The following ZFR variants were observed in gnomAD, a reference collection of about 807,000 sequenced individuals.
ZFR encodes the protein zinc finger RNA-binding protein.
ZFR carries 19 observed loss-of-function variants against 130.7 expected under a neutral mutation model. That is an observed-to-expected ratio of 0.15 (90% CI 0.10 to 0.21). The LOEUF (loss-of-function observed/expected upper bound fraction) is 0.21, where lower values mean the gene tolerates loss of function less well. Among genes scored for constraint, ZFR ranks in the 10% least tolerant of loss-of-function variants. The probability of loss-of-function intolerance (pLI) is 1.00; values close to 1 mark genes in which losing one functional copy is unlikely to be tolerated. For synonymous variants in ZFR, 466 were observed against 456.9 expected, an observed-to-expected ratio of 1.02 and a Z score of -0.25; for missense variants, 872 against 1,321.5, an observed-to-expected ratio of 0.66 and a Z score of 5.27.
At chr5:32,379,680 A>AG (rs1460535144) in intron 16 of ZFR, 2 of 189,706 alleles carry the variant, frequency 1.1e-5, no homozygotes, top group Non-Finnish European at 2.2e-5. Flanking sequence ...TTAGAGAAAG[A>AG]GGGGGAAAAA....
chr5:32,403,474 GA>G (rs1753513539), intron 7 of ZFR, 77 bp from the exon 8 acceptor site: 2 of 1,500,602 alleles, frequency 1.3e-6, no homozygotes, highest in African/African-American at 2.8e-5. Context: ...ATTATAAAAT[GA>G]AAATCTAAAC....
chr5:32,358,673 C>T (rs922223015), intron 19 of ZFR, among the ~76,000 whole-genome samples: 2 of 151,794 alleles, frequency 1.3e-5, no homozygotes, highest in Non-Finnish European at 2.9e-5. Flanking sequence ...GTTCTATCCT[C>T]TTCTCCCTCT....
Position 32,385,624 on chromosome 5 carries a change from A to T in ZFR, c.2525T>A (p.Ile842Lys). Residue 842 changes from isoleucine (I) to lysine (K), a missense_variant, in exon 15 of 20, where the codon ATA becomes AAA. By Grantham distance (102) the Ile-to-Lys change is moderately radical (BLOSUM62 -3). This residue lies in a region of ZFR where 225 missense variants were observed against 282.4 expected (regional missense o/e 0.80). Coordinates refer to ENST00000265069, the MANE Select transcript of ZFR (RefSeq NM_016107.5). ...TGCCGCTTCAGATACAGCACATTTT[A>T]TGTCATACTTCTCAGGGCTTATAAC... ...LAVISPEKYD[I>K]KCAVSEAAII... 1 of 1,613,342 alleles carries T rather than the reference A, an allele frequency of 6.2e-7. No homozygotes were observed. The highest frequency in any genetic ancestry group is 8.5e-7 in the Non-Finnish European group (1 of 1,179,500).
At chr5:32,375,138 A>G (rs1752770312) in intron 17 of ZFR, among the ~76,000 whole-genome samples, 1 of 152,214 alleles carries the variant, frequency 6.6e-6, no homozygotes, top group African/African-American at 2.4e-5. Context: ...TCATTCCCAG[A>G]ATGCAAAGGT....
At chr5:32,425,422 TA>T (rs1754050257) in intron 2 of ZFR, among the ~76,000 whole-genome samples, 1 of 870 alleles carries the variant, frequency 1.1e-3, no homozygotes, top group Non-Finnish European at 2.2e-3. Context: ...AGAATATTCT[TA>T]ATTTAAGACA....
At chr5:32,402,759 C>G (rs184695653) in intron 8 of ZFR, among the ~76,000 whole-genome samples, 1 of 143,188 alleles carries the variant, frequency 7.0e-6, no homozygotes, top group East Asian at 2.0e-4. Flanking sequence ...GCCTCGGTGA[C>G]AGAGTGGGGC....
chr5:32,363,855 AT>A, intron 19 of ZFR, 92 bp downstream of exon 19: 6 of 1,051,864 alleles, frequency 5.7e-6, no homozygotes, highest in Non-Finnish European at 8.2e-6. Flanking sequence ...CGAATATTAT[AT>A]AGTGACTTAT....
In ZFR at chr5:32,388,678, C is replaced by A; in HGVS notation, c.2143-4G>T. On this transcript the variant is annotated splice_polypyrimidine_tract_variant and splice_region_variant and intron_variant, in intron 12 of 19. Coordinates refer to ENST00000265069, the MANE Select transcript of ZFR (RefSeq NM_016107.5). ...ATGAGTCAGGACGACGTAAGGGCTA[C>A]AGAGAAACAAAGTTGCTCAATTTAA... 1 of 1,593,492 alleles carries A rather than the reference C, an allele frequency of 6.3e-7. No homozygotes were observed. The highest frequency in any genetic ancestry group is 8.5e-7 in the Non-Finnish European group (1 of 1,171,298).
chr5:32,377,202 CTTTA>C (rs1287005798), intron 17 of ZFR, among the ~76,000 whole-genome samples: 7 of 140,694 alleles, frequency 5.0e-5, no homozygotes, highest in Non-Finnish European at 3.2e-5. Flanking sequence ...CCTTCTCTTT[CTTTA>C]TTTCTCTTTC....
Position 32,417,703 on chromosome 5 carries a change from A to T in ZFR, c.510T>A (p.Ala170=), listed in dbSNP as rs1309572021. 3.7e-6 allele frequency: 6 copies of T among 1,613,806 alleles called. No homozygotes were observed. Among genetic ancestry groups the T allele is most frequent in the African/African-American group, 1.3e-5 (1 of 74,938 alleles). The part of the protein sequence containing the change: ...YYQQPTATAA[A]VAAAAQPQPS... Reference sequence around the variant, plus strand: ...GCTGAGGTTGGGCAGCGGCAGCTACAGCAGCAGCAGTTGCTGTTGGTTGTT... The same window carrying T: ...GCTGAGGTTGGGCAGCGGCAGCTACTGCAGCAGCAGTTGCTGTTGGTTGTT... Residue 170 remains alanine, a synonymous_variant, in exon 4 of 20, where the codon GCT becomes GCA. Coordinates refer to ENST00000265069, the MANE Select transcript of ZFR (RefSeq NM_016107.5).
intron 4 of ZFR, among the ~76,000 whole-genome samples, chr5:32,416,162 T>C (rs1270692562): frequency 6.6e-6 from 1 of 152,170 alleles, no homozygotes; most frequent in African/African-American, 2.4e-5. Context: ...GAGATGAGAC[T>C]AATATCCAAG....
Position 32,355,571 on chromosome 5 carries a change from T to C in ZFR, c.*189A>G. The stretch of plus-strand genomic sequence containing the variant: ...TTCCCCCTAGTCGGAGCACATTTTT[T>C]TTTTTGGGTGTCTTTCCATTCAAAT... On this transcript the variant is annotated 3_prime_UTR_variant, in exon 20 of 20. Coordinates refer to ENST00000265069, the MANE Select transcript of ZFR (RefSeq NM_016107.5). 1 of 425,420 alleles carries C rather than the reference T, an allele frequency of 2.4e-6. No homozygotes were observed. Among genetic ancestry groups the C allele is most frequent in the Admixed American group, 4.5e-5 (1 of 22,402 alleles). 26.4% of individuals were successfully genotyped at this position (425,420 alleles called of 1,614,324 possible). A position where few individuals can be genotyped will look rare whatever the true frequency, so the allele number is the denominator to read the frequency against.
chr5:32,438,253 A>ATTTTTTTTTTTTTTTTTTTTTT lies in ZFR; in HGVS notation c.137+5954_137+5975dup, dbSNP rs869249272. On this transcript the variant is annotated intron_variant, in intron 2 of 19. Coordinates refer to ENST00000265069, the MANE Select transcript of ZFR (RefSeq NM_016107.5). ...AGAATGCTACTGATTTTATCTGAAA[A>ATTTTTTTTTTTTTTTTTTTTTT]TTTTTTTTTTTTTTTTTTTTTTTTT... 2.5e-4 allele frequency among the ~76,000 whole-genome samples: 15 copies of ATTTTTTTTTTTTTTTTTTTTTT among 61,076 alleles called. 4 individuals are homozygous for ATTTTTTTTTTTTTTTTTTTTTT. Among genetic ancestry groups the ATTTTTTTTTTTTTTTTTTTTTT allele is most frequent in the African/African-American group, 7.9e-4 (11 of 13,960 alleles). The allele number at this position is 61,076 out of a possible 152,430, so 40.1% of individuals were successfully genotyped here. A position where few individuals can be genotyped will look rare whatever the true frequency, so the allele number is the denominator to read the frequency against.
intron 4 of ZFR, among the ~76,000 whole-genome samples, chr5:32,415,523 C>CGCGCGTGCGCGCGCGCGT (rs1554073622): frequency 7.6e-6 from 1 of 132,036 alleles, no homozygotes; most frequent in Non-Finnish European, 1.6e-5. Context: ...TGTGCGCGCG[C>CGCGCGTGCGCGCGCGCGT]GCGCGCGCGC....
At chr5:32,385,895 C>A (rs4867436) in intron 14 of ZFR, among the ~76,000 whole-genome samples, 144,865 of 152,002 alleles carry the variant, frequency 0.95, 69,094 homozygotes, top group African/African-American at 0.98. Context: ...GTACATAGGT[C>A]TATCTCTCTT....
intron 6 of ZFR, among the ~76,000 whole-genome samples, chr5:32,405,961 G>A (rs886420074): frequency 6.6e-6 from 1 of 152,182 alleles, no homozygotes; most frequent in African/African-American, 2.4e-5. Context: ...CACAGGTAGG[G>A]CAAATGAGAG....
At chr5:32,392,443 G>A (rs1753203080) in intron 11 of ZFR, among the ~76,000 whole-genome samples, 1 of 152,050 alleles carries the variant, frequency 6.6e-6, no homozygotes, top group South Asian at 2.1e-4. Context: ...ACTATTTAAA[G>A]GTAACCCATA....
At position 32,388,501 on chromosome 5, in the gene ZFR, C is replaced by G; in HGVS notation, c.2316G>C (p.Glu772Asp). The G allele has an allele frequency of 6.2e-7, 1 of 1,613,998 alleles. No individual in the cohort carries two copies. The highest frequency in any genetic ancestry group is 1.1e-5 in the South Asian group (1 of 91,050). ...LSEHEKNKNK[E>D]GDDKKEGGKD... ...TACCTCCCTCTTTCTTATCATCTCC[C>G]TCTTTGTTCTTGTTCTTCTCATGTT... is the stretch of plus-strand genomic sequence containing the variant. The change falls in exon 13 of 20, where the codon GAG (glutamate) becomes GAC (aspartate). Residue 772 changes from glutamate (E) to aspartate (D), a missense_variant. Glu to Asp is a conservative substitution (Grantham distance 45, BLOSUM62 2). Coordinates refer to ENST00000265069, the MANE Select transcript of ZFR (RefSeq NM_016107.5).
At chr5:32,380,920 G>A (rs934449914) in intron 15 of ZFR, among the ~76,000 whole-genome samples, 1 of 151,874 alleles carries the variant, frequency 6.6e-6, no homozygotes, top group African/African-American at 2.4e-5. Flanking sequence ...AAAGTGCTAG[G>A]ATTACAGGCG....
Sources: gnomAD v4.1 joint callset for allele counts (sites outside exome capture counted in the v4.1 genomes callset) on GRCh38, gnomAD v4.1.1 for gene constraint, gnomAD v4.1.1 regional missense constraint, MANE v1.5 for transcripts, NCBI Gene and HGNC (gene_info 2026-07-23, HGNC 2026-07-21) for gene names.